ELOA: variants seen among roughly 807,000 people sequenced by gnomAD.
ELOA encodes the protein elongin A, also known as elongin-A.
In ELOA, 15 loss-of-function variants were observed where a neutral mutation model predicts 85.2. That is an observed-to-expected ratio of 0.18 (90% CI 0.12 to 0.27). ELOA has a LOEUF of 0.27. Among genes scored for constraint, ELOA ranks in the 10% least tolerant of loss-of-function variants. ELOA has a pLI of 1.00. For missense variants in ELOA, 769 were observed against 952.7 expected (o/e 0.81, Z 2.54); for synonymous variants, 348 against 357.2 (o/e 0.97, Z 0.29).
rs185565628 is a variant in ELOA at position 23,756,144 on chromosome 1, T to C, written c.1972+121T>C. On this transcript the variant is annotated intron_variant, in intron 8 of 10. Coordinates refer to ENST00000613537, the MANE Select transcript of ELOA (RefSeq NM_003198.3). ...CCCCTACATCAGGTAGCAGGGTGGG[T>C]ATTTCTTCTGCCACCGCCCATTCTA... 243 of 1,439,882 alleles carry C rather than the reference T, an allele frequency of 1.7e-4. 1 individual carries two copies. In the East Asian group the frequency reaches 5.6e-3, roughly 33 times the overall value. The allele number at this position is 1,439,882 out of a possible 1,614,324, so 89.2% of individuals were successfully genotyped here. A position where few individuals can be genotyped will look rare whatever the true frequency, so the allele number is the denominator to read the frequency against.
At chr1:23,748,431 C>G (rs1335653532) in intron 1 of ELOA, among the ~76,000 whole-genome samples, 1 of 152,138 alleles carries the variant, frequency 6.6e-6, no homozygotes, top group African/African-American at 2.4e-5. Flanking sequence ...TGATCAAACC[C>G]AGATCACTTT....
chr1:23,752,424 A>G lies in ELOA; in HGVS notation c.1443A>G (p.Pro481=). 6.2e-7 allele frequency: 1 copy of G among 1,614,004 alleles called. No individual in the cohort carries two copies. The highest frequency in any genetic ancestry group is 8.5e-7 in the Non-Finnish European group (1 of 1,179,960). ...AKLRKVPDVL[P]VLPDLPLPAI... ...CCCTGCAGGTGCCTGATGTGTTGCC[A>G]GTGTTGCCAGACCTCCCGTTACCCG... The change falls in exon 5 of 11, where the codon CCA becomes CCG. Residue 481 remains proline, a synonymous_variant. Transcript: ENST00000613537.
intron 1 of ELOA, among the ~76,000 whole-genome samples, chr1:23,746,330 G>T (rs898310262): frequency 6.7e-6 from 1 of 148,634 alleles, no homozygotes; most frequent in Non-Finnish European, 1.5e-5. Flanking sequence ...ACAGTTGGCC[G>T]GGCGCAGTGG....
intron 7 of ELOA, among the ~76,000 whole-genome samples, chr1:23,755,468 C>CTAGGTAAT (rs935436082): frequency 2.0e-5 from 3 of 151,902 alleles, no homozygotes; most frequent in African/African-American, 7.3e-5. Context: ...CTGGTCACTC[C>CTAGGTAAT]TAGGTAATTA....
In ELOA at chr1:23,759,493, C is replaced by G; in HGVS notation, c.2258-19C>G. On this transcript the variant is annotated intron_variant, in intron 10 of 10. Coordinates refer to ENST00000613537, the MANE Select transcript of ELOA (RefSeq NM_003198.3). Reference sequence around the variant, plus strand: ...GCCGCCACAGATCTGAGACAGCTGCCTTGTTTCTCTTTTCACAGAAATTGC... The same window carrying G: ...GCCGCCACAGATCTGAGACAGCTGCGTTGTTTCTCTTTTCACAGAAATTGC... 1 of 1,614,124 alleles carries G rather than the reference C, an allele frequency of 6.2e-7. No homozygotes were observed. Among genetic ancestry groups the G allele is most frequent in the Non-Finnish European group, 8.5e-7 (1 of 1,179,974 alleles).
At position 23,751,473 on chromosome 1, in the gene ELOA, A is replaced by C. The variant is rs148681046; in HGVS notation, c.868A>C (p.Arg290=). The change falls in exon 4 of 11, where the codon AGG becomes CGG. Residue 290 remains arginine (R), a synonymous_variant. Coordinates refer to ENST00000613537, the MANE Select transcript of ELOA (RefSeq NM_003198.3). ...NRRPPSGDNA[R]EKPPSSGVKK... ...AAGGCCACCCTCAGGGGACAATGCA[A>C]GGGAGAAACCGCCCTCTAGTGGCGT... The C allele has an allele frequency of 5.2e-5, 84 of 1,613,958 alleles. No individual in the cohort carries two copies. The African/African-American group carries it at 1.1e-3, about 20-fold the overall frequency.
rs1327462744 is a variant in ELOA, at chr1:23,752,522, A to G, written c.1537+4A>G. On this transcript the variant is annotated splice_donor_region_variant and intron_variant, in intron 5 of 10. Coordinates refer to ENST00000613537, the MANE Select transcript of ELOA (RefSeq NM_003198.3). ...TCCTTCCAGCCAAAGCGAAAAGGTA[A>G]TTTTCTATATCTTCTTTTTCTTAAT... 6.2e-7 allele frequency: 1 copy of G among 1,612,140 alleles called. No homozygotes were observed. The highest frequency in any genetic ancestry group is 8.5e-7 in the Non-Finnish European group (1 of 1,178,972).
chr1:23,760,329 A>C lies in ELOA; in HGVS notation c.*756A>C, dbSNP rs1487170874. ...GTTTTTTTTTTTTTCTTTGAGGCTCACTAGAGGACGCAGAACCTTGGGAGA... is the reference window on the plus strand; with the variant it reads ...GTTTTTTTTTTTTTCTTTGAGGCTCCCTAGAGGACGCAGAACCTTGGGAGA... On this transcript the variant is annotated 3_prime_UTR_variant, in exon 11 of 11. Transcript: ENST00000613537. The C allele has an allele frequency of 3.4e-5, 5 of 147,290 alleles. No individual in the cohort carries two copies. In the Admixed American group the frequency reaches 3.4e-4, roughly 10 times the overall value. 9.1% of individuals were successfully genotyped at this position (147,290 alleles called of 1,614,324 possible). A position where few individuals can be genotyped will look rare whatever the true frequency, so the allele number is the denominator to read the frequency against.
chr1:23,749,475 A>T (rs114831707), intron 2 of ELOA, among the ~76,000 whole-genome samples: 1 of 152,236 alleles, frequency 6.6e-6, no homozygotes, highest in East Asian at 1.9e-4. Flanking sequence ...TTTGGCATCA[A>T]TTAGTCCCAG....
chr1:23,752,649 G>T, intron 5 of ELOA, 131 bp downstream of exon 5: 3 of 1,000,996 alleles, frequency 3.0e-6, no homozygotes, highest in Non-Finnish European at 2.9e-6. Flanking sequence ...TTGCGGCCAA[G>T]GGTTCTAAAC....
intron 1 of ELOA, among the ~76,000 whole-genome samples, chr1:23,746,630 A>T (rs1210684119): frequency 1.3e-5 from 2 of 149,794 alleles, no homozygotes; most frequent in Non-Finnish European, 2.9e-5. Flanking sequence ...AAAAAAAAAA[A>T]AGGATCCTCG....
chr1:23,758,621 T>C (rs1430300238), intron 10 of ELOA, among the ~76,000 whole-genome samples: 4 of 148,732 alleles, frequency 2.7e-5, no homozygotes, highest in Non-Finnish European at 5.9e-5. Context: ...CTATTTTGTA[T>C]TTTGTTAACT....
rs769137200 is a variant in ELOA, at chr1:23,752,499, C to T, written c.1518C>T (p.Ser506=). The T allele has an allele frequency of 1.1e-5, 17 of 1,613,940 alleles. No individual in the cohort carries two copies. The East Asian group carries it at 3.8e-4, about 36-fold the overall frequency. ...TGCCTTCCCTCGAGCTGATATCCTC[C>T]TTCCAGCCAAAGCGAAAAGGTAATT... ...RPLPSLELIS[S]FQPKRKAFSS... The change falls in exon 5 of 11, where the codon TCC becomes TCT. Residue 506 remains serine, a synonymous_variant. Transcript: ENST00000613537.
At chr1:23,752,669 G>C (rs547753698) in intron 5 of ELOA, 151 bp downstream of exon 5, 1 of 743,090 alleles carries the variant, frequency 1.3e-6, no homozygotes, top group South Asian at 1.8e-5. Context: ...CCAACCAGGC[G>C]TGGTGGCTCA....
In ELOA at chr1:23,743,526, A is replaced by C; in HGVS notation, c.23A>C (p.Gln8Pro). 6.7e-7 allele frequency: 1 copy of C among 1,502,794 alleles called. No homozygotes were observed. Among genetic ancestry groups the C allele is most frequent in the African/African-American group, 1.4e-5 (1 of 69,228 alleles). 93.1% of individuals were successfully genotyped at this position (1,502,794 alleles called of 1,614,324 possible). A position where few individuals can be genotyped will look rare whatever the true frequency, so the allele number is the denominator to read the frequency against. The change falls in exon 1 of 11, where the codon CAA becomes CCA. Residue 8 changes from glutamine (Q) to proline (P), a missense_variant. By Grantham distance (76) the Gln-to-Pro change is moderately conservative. Coordinates refer to ENST00000613537, the MANE Select transcript of ELOA (RefSeq NM_003198.3). MAAESALQVVEKLQARLA... is the reference protein window; with the variant it reads MAAESALPVVEKLQARLA... ...GCGATGGCGGCGGAGTCGGCGCTCC[A>C]AGTTGTGGAGAAGCTGCAGGCGCGC... is the stretch of plus-strand genomic sequence containing the variant.
chr1:23,752,275 C>A, intron 4 of ELOA, 132 bp from the exon 5 acceptor site: 1 of 874,122 alleles, frequency 1.1e-6, no homozygotes, highest in Non-Finnish European at 1.8e-6. Context: ...TGGTGTCAGA[C>A]ATGACTGTGG....
intron 1 of ELOA, 97 bp downstream of exon 1, chr1:23,743,675 C>T (rs1644733126): frequency 1.1e-5 from 14 of 1,321,314 alleles, no homozygotes; most frequent in Non-Finnish European, 1.4e-5. Flanking sequence ...GGGGCTGGGA[C>T]CCTGAGCCAG....
chr1:23,747,235 G>C (rs59935745), intron 1 of ELOA, among the ~76,000 whole-genome samples: 1 of 152,200 alleles, frequency 6.6e-6, no homozygotes, highest in Non-Finnish European at 1.5e-5. Flanking sequence ...TTTCTTGCAA[G>C]TATGCTAAGA....
intron 1 of ELOA, among the ~76,000 whole-genome samples, chr1:23,746,147 G>T (rs916804661): frequency 1.6e-4 from 24 of 151,646 alleles, no homozygotes; most frequent in African/African-American, 5.3e-4. Context: ...AAATTAGCCA[G>T]GTGTGGTGGC....
Sources: gnomAD v4.1 joint callset for allele counts (sites outside exome capture counted in the v4.1 genomes callset) on GRCh38, gnomAD v4.1.1 for gene constraint, MANE v1.5 for transcripts, NCBI Gene and HGNC (gene_info 2026-07-23, HGNC 2026-07-21) for gene names.